The following LRRK1 variants were observed in gnomAD, a reference collection of about 807,000 sequenced individuals.
LRRK1 encodes leucine rich repeat kinase 1, also known as leucine-rich repeat serine/threonine-protein kinase 1.
Under a neutral mutation model 209.1 loss-of-function variants are expected in LRRK1, and 113 were observed. The observed-to-expected ratio is 0.54, with a 90% CI of 0.46 to 0.63. LRRK1 has a LOEUF of 0.63. Ranked by LOEUF, LRRK1 falls within the 30% of genes least tolerant of loss-of-function variation. The pLI, the probability that LRRK1 is intolerant of heterozygous loss-of-function variation, is 0.00. For synonymous variants in LRRK1, 1,144 were observed against 1,099.7 expected (o/e 1.04, Z -0.80); for missense variants, 2,284 against 2,632.2 (o/e 0.87, Z 2.89).
intron 1 of LRRK1, among the ~76,000 whole-genome samples, chr15:100,921,219 T>C (rs1478611229): frequency 6.6e-6 from 1 of 152,158 alleles, no homozygotes; most frequent in Non-Finnish European, 1.5e-5. Context: ...TGCATGGTGG[T>C]AGAGTGACTG....
chr15:101,021,284 G>A (rs2033773861), intron 13 of LRRK1, 102 bp downstream of exon 13: 1 of 1,307,076 alleles, frequency 7.7e-7, no homozygotes, highest in Non-Finnish European at 1.1e-6. Context: ...GCAGAAAGAA[G>A]CCATCTACTT....
At chr15:101,021,786 G>C in intron 13 of LRRK1, 59 bp from the exon 14 acceptor site, 1 of 76,710 alleles carries the variant, frequency 1.3e-5, no homozygotes, top group South Asian at 2.7e-4. Context: ...GTGTGTGTGT[G>C]TGTGTGTGTG....
chr15:101,036,124 T>C (rs936477437), intron 20 of LRRK1, among the ~76,000 whole-genome samples: 4 of 152,226 alleles, frequency 2.6e-5, no homozygotes, highest in Non-Finnish European at 4.4e-5. Context: ...TCTGGATGTC[T>C]AAATACCTTG....
intron 20 of LRRK1, among the ~76,000 whole-genome samples, chr15:101,029,625 TG>T (rs1218463478): frequency 6.6e-6 from 1 of 152,082 alleles, no homozygotes; most frequent in Non-Finnish European, 1.5e-5. Flanking sequence ...CCCAACTCTT[TG>T]GGAGGCCGAG....
Position 101,070,457 on chromosome 15 carries a change from TCCAGTGCC to T in LRRK1, c.*1613_*1620del, listed in dbSNP as rs2036760380. 6.6e-6 allele frequency: 1 copy of T among 151,786 alleles called. No homozygotes were observed. Among genetic ancestry groups the T allele is most frequent in the Non-Finnish European group, 1.5e-5 (1 of 68,030 alleles). The allele number at this position is 151,786 out of a possible 1,614,324, so 9.4% of individuals were successfully genotyped here. On this transcript the variant is annotated 3_prime_UTR_variant, in exon 34 of 34. Transcript: ENST00000388948. ...AGTCCCACTCTCCCTCTCCTCTCAT[TCCAGTGCC>T]CCACAACTGCCCAGTTAACCCCCAG... is the stretch of plus-strand genomic sequence containing the variant.
chr15:101,040,093 A>T (rs1331542245), intron 20 of LRRK1, among the ~76,000 whole-genome samples: 1 of 152,040 alleles, frequency 6.6e-6, no homozygotes, highest in Non-Finnish European at 1.5e-5. Flanking sequence ...AATTGAAAAG[A>T]TTTTTTTCCT....
chr15:100,970,814 G>A (rs1176961548), intron 2 of LRRK1, among the ~76,000 whole-genome samples: 1 of 152,170 alleles, frequency 6.6e-6, no homozygotes, highest in Non-Finnish European at 1.5e-5. Flanking sequence ...AATCCTTGAA[G>A]ATGGATGTCT....
intron 10 of LRRK1, among the ~76,000 whole-genome samples, 155 bp from the exon 11 acceptor site, chr15:101,014,161 G>A (rs1361480299): frequency 6.6e-6 from 1 of 152,110 alleles, no homozygotes; most frequent in Non-Finnish European, 1.5e-5. Context: ...GTTTGAAGAG[G>A]CTGCTGGGCC....
chr15:101,058,113 G>C lies in LRRK1; in HGVS notation c.4651G>C (p.Val1551Leu). The part of the protein sequence containing the change: ...FSSQGQEYTV[V>L]FWDGKEESRN... ...ATCCCAGGGCCAGGAGTACACCGTG[G>C]TGTTTTGGGATGGAAAAGAGGAGTC... is the stretch of plus-strand genomic sequence containing the variant. Residue 1551 changes from valine (V) to leucine (L), a missense_variant, in exon 29 of 34, where the codon GTG becomes CTG. Physicochemically the swap from Val to Leu is conservative, Grantham distance 32 (BLOSUM62 1). Around this residue, in one of 6 missense-constraint regions of LRRK1, gnomAD observed 643 missense variants for 695.9 expected, o/e 0.92. Coordinates refer to ENST00000388948, the MANE Select transcript of LRRK1 (RefSeq NM_024652.6). The C allele has an allele frequency of 6.2e-7, 1 of 1,614,198 alleles. No homozygotes were observed. Among genetic ancestry groups the C allele is most frequent in the Non-Finnish European group, 8.5e-7 (1 of 1,180,030 alleles).
chr15:100,961,780 A>C (rs2029984819), intron 2 of LRRK1, among the ~76,000 whole-genome samples: 1 of 152,062 alleles, frequency 6.6e-6, no homozygotes, highest in South Asian at 2.1e-4. Context: ...AAGTTTCTCT[A>C]ACCACTCAGG....
intron 1 of LRRK1, among the ~76,000 whole-genome samples, chr15:100,920,852 C>T (rs774531291): frequency 7.9e-5 from 12 of 152,284 alleles, no homozygotes; most frequent in Middle Eastern, 3.4e-3. Context: ...ATCCAGGAGA[C>T]CTCCTTCTCC....
intron 6 of LRRK1, among the ~76,000 whole-genome samples, chr15:100,994,312 C>A (rs946051756): frequency 6.6e-6 from 1 of 152,238 alleles, no homozygotes; most frequent in Non-Finnish European, 1.5e-5. Context: ...CTCTGCACAT[C>A]ATAATCCCTG....
rs900556913 is a variant in LRRK1, at chr15:100,930,303, C to T, written c.97+5574C>T. Among the ~76,000 whole-genome samples the T allele has an allele frequency of 3.3e-5, 5 of 152,334 alleles. No individual in the cohort carries two copies. The East Asian group carries it at 5.8e-4, about 18-fold the overall frequency. On this transcript the variant is annotated intron_variant, in intron 2 of 33. Transcript: ENST00000388948. ...CGGACAGGCCGCCGGCAACTTTACA[C>T]GTTCCGCTTGGATATCCAAGAGTTT...
chr15:101,061,554 G>A (rs953668007), intron 30 of LRRK1, among the ~76,000 whole-genome samples: 9 of 152,358 alleles, frequency 5.9e-5, no homozygotes, highest in African/African-American at 2.2e-4. Flanking sequence ...CTCAGCAGGA[G>A]ACGAGACCCA....
At chr15:100,956,455 C>CTTTTTTT (rs776326423) in intron 2 of LRRK1, among the ~76,000 whole-genome samples, 5 of 60,524 alleles carry the variant, frequency 8.3e-5, no homozygotes, top group African/African-American at 1.7e-4. Flanking sequence ...TTTTTTTTTT[C>CTTTTTTT]TTTTTTTTTT....
rs201481845 is a variant in LRRK1 at position 101,066,659 on chromosome 15, G to A, written c.5788G>A (p.Val1930Ile). ...GCTTAGGCGCGGTGGAGATGTTATCGTCATTGGCCTGGAGAAGGATTCTGG... is the reference window on the plus strand; with the variant it reads ...GCTTAGGCGCGGTGGAGATGTTATCATCATTGGCCTGGAGAAGGATTCTGG... ...WVPRRGGDVI[V>I]IGLEKDSGAQ... is the part of the protein sequence containing the mutation. The change falls in exon 33 of 34, where the codon GTC (valine) becomes ATC (isoleucine). Residue 1930 changes from valine (V) to isoleucine (I), a missense_variant. By Grantham distance (29) the Val-to-Ile change is conservative (BLOSUM62 3). Transcript: ENST00000388948. 8.5e-5 allele frequency: 138 copies of A among 1,614,192 alleles called. No individual in the cohort carries two copies. Among genetic ancestry groups the A allele is most frequent in the Admixed American group, 3.8e-4 (23 of 60,026 alleles).
chr15:101,012,660 A>G (rs2033320275), intron 10 of LRRK1, among the ~76,000 whole-genome samples: 3 of 126,004 alleles, frequency 2.4e-5, no homozygotes, highest in Admixed American at 1.6e-4. Flanking sequence ...CACCCTGCAC[A>G]GGCTTCAGCC....
rs2036913745 is a variant in LRRK1 at position 101,074,515 on chromosome 15, T to TAC, written c.*5668_*5669dup. The TAC allele has an allele frequency of 6.6e-6, 1 of 152,190 alleles. No homozygotes were observed. The highest frequency in any genetic ancestry group is 2.1e-4 in the South Asian group (1 of 4,830). 9.4% of individuals were successfully genotyped at this position (152,190 alleles called of 1,614,324 possible). A position where few individuals can be genotyped will look rare whatever the true frequency, so the allele number is the denominator to read the frequency against. Reference sequence around the variant, plus strand: ...GTTTGGCAGCAACCCTGAGACACTTTACGGCCCTAGACCCTAAAAGCCCAA... The same window carrying TAC: ...GTTTGGCAGCAACCCTGAGACACTTTACACGGCCCTAGACCCTAAAAGCCCAA... On this transcript the variant is annotated 3_prime_UTR_variant, in exon 34 of 34. Transcript: ENST00000388948.
intron 2 of LRRK1, among the ~76,000 whole-genome samples, chr15:100,967,895 T>A (rs997937198): frequency 6.6e-6 from 1 of 152,214 alleles, no homozygotes; most frequent in Non-Finnish European, 1.5e-5. Flanking sequence ...TTTGTAGTTT[T>A]TTTAGGTAAA....
Sources: gnomAD v4.1 joint callset for allele counts (sites outside exome capture counted in the v4.1 genomes callset) on GRCh38, gnomAD v4.1.1 for gene constraint, gnomAD v4.1.1 regional missense constraint, MANE v1.5 for transcripts, NCBI Gene and HGNC (gene_info 2026-07-23, HGNC 2026-07-21) for gene names.